RAPH1: variants seen among roughly 807,000 people sequenced by gnomAD.
RAPH1 encodes ras-associated and pleckstrin homology domains-containing protein 1.
In RAPH1, 18 loss-of-function variants were observed where a neutral mutation model predicts 88.1. The ratio of observed to expected loss-of-function variants is 0.20; its 90% CI spans 0.14 to 0.30. The LOEUF (loss-of-function observed/expected upper bound fraction) is 0.30. Ranked by LOEUF, RAPH1 falls within the 10% of genes least tolerant of loss-of-function variation. The pLI, the probability that RAPH1 is intolerant of heterozygous loss-of-function variation, is 1.00. For synonymous variants in RAPH1, 587 were observed against 559.0 expected, an observed-to-expected ratio of 1.05 and a Z score of -0.71; for missense variants, 1,448 against 1,543.2, an observed-to-expected ratio of 0.94 and a Z score of 1.03.
In RAPH1 at chr2:203,506,828, ATATC is replaced by A. The variant is rs1325240223; in HGVS notation, c.1-11479_1-11476del. 6.1e-3 allele frequency among the ~76,000 whole-genome samples: 126 copies of A among 20,792 alleles called. 5 individuals are homozygous for A. Among genetic ancestry groups the A allele is most frequent in the African/African-American group, 0.011 (67 of 6,206 alleles). 13.6% of individuals were successfully genotyped at this position (20,792 alleles called of 152,430 possible). ...TATCTATATCTATATATCTATATAT[ATATC>A]TATATCTATATATCTATCTATATCT... On this transcript the variant is annotated intron_variant, in intron 1 of 13. Transcript: ENST00000319170.
At chr2:203,450,387 T>C (rs962995258) in intron 10 of RAPH1, among the ~76,000 whole-genome samples, 2 of 152,214 alleles carry the variant, frequency 1.3e-5, no homozygotes, top group African/African-American at 2.4e-5. Flanking sequence ...AAATAATACC[T>C]AACAGTCTTC....
At chr2:203,534,421 A>C (rs754705787) in intron 1 of RAPH1, among the ~76,000 whole-genome samples, 11 of 151,492 alleles carry the variant, frequency 7.3e-5, no homozygotes, top group Non-Finnish European at 1.5e-4. Context: ...GGACACCCTA[A>C]GTCACTGCCT....
intron 1 of RAPH1, among the ~76,000 whole-genome samples, chr2:203,516,603 G>T (rs145205057): frequency 4.7e-4 from 71 of 151,978 alleles, no homozygotes; most frequent in Non-Finnish European, 2.2e-4. Context: ...ACAAAAATTA[G>T]CCAGGTTTGA....
chr2:203,495,882 T>G (rs1462630117), intron 1 of RAPH1, among the ~76,000 whole-genome samples: 3 of 152,186 alleles, frequency 2.0e-5, no homozygotes, highest in African/African-American at 7.2e-5. Context: ...TATTCTACCC[T>G]CCTACCCTCA....
intron 8 of RAPH1, among the ~76,000 whole-genome samples, chr2:203,456,982 A>G (rs560913784): frequency 6.6e-6 from 1 of 152,128 alleles, no homozygotes; most frequent in South Asian, 2.1e-4. Flanking sequence ...CAGCCCCTAA[A>G]AGCTCATTAT....
intron 4 of RAPH1, chr2:203,470,179 A>G (rs917741585): frequency 2.9e-5 from 32 of 1,111,784 alleles, no homozygotes; most frequent in Admixed American, 6.9e-5. Context: ...GATCAAAAAC[A>G]GAAATCATAT....
At chr2:203,449,325 C>T (rs1247572001) in intron 10 of RAPH1, among the ~76,000 whole-genome samples, 1 of 152,186 alleles carries the variant, frequency 6.6e-6, no homozygotes, top group South Asian at 2.1e-4. Context: ...TGGCACAGCA[C>T]CTGGGACAAG....
chr2:203,528,669 A>G (rs1690235105), intron 1 of RAPH1, among the ~76,000 whole-genome samples: 1 of 152,166 alleles, frequency 6.6e-6, no homozygotes, highest in South Asian at 2.1e-4. Flanking sequence ...AGATTTTTCA[A>G]ATATAACGTA....
Position 203,441,220 on chromosome 2 carries a change from G to C in RAPH1, c.1970C>G (p.Ala657Gly). ...PPLPSQSAPS[A>G]GSAAPMFVKY... ...GACGAACATTGGGGCTGCTGAGCCT[G>C]CAGAAGGTGCAGACTGGCTGGGGAG... The change falls in exon 14 of 14, where the codon GCA becomes GGA. Residue 657 changes from alanine (A) to glycine (G), a missense_variant. By Grantham distance (60) the Ala-to-Gly change is moderately conservative (BLOSUM62 0). Around this residue, in one of 2 missense-constraint regions of RAPH1, gnomAD observed 935 missense variants for 890.1 expected, o/e 1.05. Coordinates refer to ENST00000319170, the MANE Select transcript of RAPH1 (RefSeq NM_213589.3). 6.6e-7 allele frequency: 1 copy of C among 1,508,748 alleles called. No homozygotes were observed. Among genetic ancestry groups the C allele is most frequent in the South Asian group, 1.1e-5 (1 of 89,530 alleles). 93.5% of individuals were successfully genotyped at this position (1,508,748 alleles called of 1,614,324 possible).
At chr2:203,441,525 A>C in intron 13 of RAPH1, 112 bp from the exon 14 acceptor site, 2 of 1,409,698 alleles carry the variant, frequency 1.4e-6, no homozygotes, top group South Asian at 3.3e-5. Flanking sequence ...TGGGACATGC[A>C]TGAAAAGGAT....
At chr2:203,494,017 A>AAAAAAAAAAAAAT (rs1581356790) in intron 2 of RAPH1, among the ~76,000 whole-genome samples, 1 of 129,878 alleles carries the variant, frequency 7.7e-6, no homozygotes. Flanking sequence ...AAAAAAAAAA[A>AAAAAAAAAAAAAT]TCCCCCCAAA....
intron 8 of RAPH1, among the ~76,000 whole-genome samples, chr2:203,457,052 G>A (rs2098520163): frequency 6.6e-6 from 1 of 151,918 alleles, no homozygotes; most frequent in Non-Finnish European, 1.5e-5. Context: ...GGCCTAACAC[G>A]TTCACACAGT....
chr2:203,490,825 C>G (rs1176275403), intron 3 of RAPH1, among the ~76,000 whole-genome samples: 1 of 151,868 alleles, frequency 6.6e-6, no homozygotes, highest in African/African-American at 2.4e-5. Flanking sequence ...GGTGGATCAC[C>G]TGAGGTCAGG....
intron 4 of RAPH1, among the ~76,000 whole-genome samples, chr2:203,487,061 G>A (rs561848616): frequency 6.6e-6 from 1 of 152,246 alleles, no homozygotes; most frequent in South Asian, 2.1e-4. Flanking sequence ...AACTTTTCAC[G>A]TTTTACTTCA....
At chr2:203,479,132 T>C (rs1167897617) in intron 4 of RAPH1, among the ~76,000 whole-genome samples, 1 of 152,136 alleles carries the variant, frequency 6.6e-6, no homozygotes, top group East Asian at 1.9e-4. Flanking sequence ...TGTGGTAAAA[T>C]GTTAAAAATT....
Position 203,466,000 on chromosome 2 carries a change from C to G in RAPH1, c.733-4075G>C, listed in dbSNP as rs554719079. Among the ~76,000 whole-genome samples the G allele has an allele frequency of 3.9e-5, 6 of 152,244 alleles. No homozygotes were observed. In the East Asian group the frequency reaches 9.6e-4, roughly 24 times the overall value. On this transcript the variant is annotated intron_variant, in intron 4 of 13. Transcript: ENST00000319170. ...TCAATAAGAAATTTTTATAAAGCAG[C>G]TAGATGGGGGCTATTTTAACAAATC...
At chr2:203,514,513 TC>T (rs1559499874) in intron 1 of RAPH1, among the ~76,000 whole-genome samples, 2 of 152,052 alleles carry the variant, frequency 1.3e-5, no homozygotes, top group South Asian at 2.1e-4. Context: ...ATGAGCAGTA[TC>T]CCCCCAGGGT....
intron 4 of RAPH1, among the ~76,000 whole-genome samples, chr2:203,475,148 C>T (rs1325127654): frequency 1.3e-5 from 2 of 152,162 alleles, no homozygotes; most frequent in East Asian, 3.9e-4. Flanking sequence ...TGACTCATGC[C>T]TGTAATCCCA....
At chr2:203,471,448 C>T (rs2098533002) in intron 4 of RAPH1, among the ~76,000 whole-genome samples, 1 of 152,086 alleles carries the variant, frequency 6.6e-6, no homozygotes, top group South Asian at 2.1e-4. Context: ...CCCGTTTCTA[C>T]TAAAAATACA....
Sources: gnomAD v4.1 joint callset for allele counts (sites outside exome capture counted in the v4.1 genomes callset) on GRCh38, gnomAD v4.1.1 for gene constraint, gnomAD v4.1.1 regional missense constraint, MANE v1.5 for transcripts, NCBI Gene and HGNC (gene_info 2026-07-23, HGNC 2026-07-21) for gene names.